Variants in CDC42SE2 observed in about 807,000 individuals in gnomAD.
The protein encoded by CDC42SE2 is CDC42 small effector 2, also known as CDC42 small effector protein 2.
CDC42SE2 carries 3 observed loss-of-function variants against 11.5 expected under a neutral mutation model. The observed-to-expected ratio is 0.26, with a 90% CI of 0.12 to 0.67. The LOEUF (loss-of-function observed/expected upper bound fraction) is 0.67. Ranked by LOEUF, CDC42SE2 falls within the 30% of genes least tolerant of loss-of-function variation. CDC42SE2 has a pLI of 0.80. For missense variants in CDC42SE2, 82 were observed against 106.8 expected (o/e 0.77, Z 1.02); for synonymous variants, 33 against 34.8 (o/e 0.95, Z 0.18).
chr5:131,285,741 A>G (rs1442567502), intron 1 of CDC42SE2, among the ~76,000 whole-genome samples: 1 of 152,360 alleles, frequency 6.6e-6, no homozygotes, highest in South Asian at 2.1e-4. Flanking sequence ...CACTAGATTA[A>G]TATATTCAAG....
chr5:131,296,629 G>T (rs1391630211), intron 1 of CDC42SE2, among the ~76,000 whole-genome samples: 1 of 152,104 alleles, frequency 6.6e-6, no homozygotes, highest in Non-Finnish European at 1.5e-5. Context: ...AATCATATTG[G>T]ATTAGGGGCC....
chr5:131,323,547 GTTTTTTTTTTT>G lies in CDC42SE2; in HGVS notation c.-286+7419_-286+7429del, dbSNP rs1171213231. Among the ~76,000 whole-genome samples, 12 of 82,582 alleles carry G rather than the reference GTTTTTTTTTTT, an allele frequency of 1.5e-4. 1 individual carries two copies. The highest frequency in any genetic ancestry group is 8.7e-4 in the East Asian group (2 of 2,296). The allele number at this position is 82,582 out of a possible 152,430, so 54.2% of individuals were successfully genotyped here. On this transcript the variant is annotated intron_variant, in intron 2 of 4. Transcript: ENST00000505065. Reference sequence around the variant, plus strand: ...AAGGGATTGTACCTCTCTCTCTCTGGTTTTTTTTTTTTTTTTTTTTTTTTTTGTATTTAAAT... The same window carrying G: ...AAGGGATTGTACCTCTCTCTCTCTGGTTTTTTTTTTTTTTTGTATTTAAAT...
chr5:131,268,641 G>A (rs998494083), intron 1 of CDC42SE2, among the ~76,000 whole-genome samples: 2 of 151,344 alleles, frequency 1.3e-5, no homozygotes, highest in African/African-American at 2.4e-5. Context: ...TAGTAGAGAC[G>A]GGGTTTCTCC....
At chr5:131,351,151 A>G (rs760743393) in intron 2 of CDC42SE2, among the ~76,000 whole-genome samples, 7 of 151,902 alleles carry the variant, frequency 4.6e-5, no homozygotes, top group East Asian at 1.9e-4. Context: ...TTTGCTGCCC[A>G]GTTGCCCAGG....
intron 2 of CDC42SE2, among the ~76,000 whole-genome samples, chr5:131,344,486 A>G (rs1580768119): frequency 6.6e-6 from 1 of 151,978 alleles, no homozygotes; most frequent in East Asian, 1.9e-4. Context: ...TTGAGTAGGT[A>G]AAAAGAGCGG....
rs531747342 is a variant in CDC42SE2, at chr5:131,394,401, A to C, written c.*3310A>C. 13 of 152,480 alleles carry C rather than the reference A, an allele frequency of 8.5e-5. No individual in the cohort carries two copies. The South Asian group carries it at 1.0e-3, about 12-fold the overall frequency. 9.4% of individuals were successfully genotyped at this position (152,480 alleles called of 1,614,324 possible). A position where few individuals can be genotyped will look rare whatever the true frequency, so the allele number is the denominator to read the frequency against. ...TTAGCATTTCCAGTGCAGCATTATCAGTGGGCCTTTAAAAATACTTCGTAA... is the reference window on the plus strand; with the variant it reads ...TTAGCATTTCCAGTGCAGCATTATCCGTGGGCCTTTAAAAATACTTCGTAA... On this transcript the variant is annotated 3_prime_UTR_variant, in exon 5 of 5. Transcript: ENST00000505065.
intron 2 of CDC42SE2, among the ~76,000 whole-genome samples, chr5:131,332,754 C>T (rs562959867): frequency 3.2e-4 from 48 of 152,292 alleles, no homozygotes; most frequent in African/African-American, 1.1e-3. Context: ...TTTTTGGCTG[C>T]ATAAATGTCT....
intron 2 of CDC42SE2, among the ~76,000 whole-genome samples, chr5:131,331,398 C>G (rs115557724): frequency 1.5e-3 from 227 of 152,198 alleles, no homozygotes; most frequent in Non-Finnish European, 2.6e-3. Context: ...ATAGATTAAA[C>G]TAACATTTCC....
At chr5:131,254,134 A>G (rs1317621019) in intron 1 of CDC42SE2, among the ~76,000 whole-genome samples, 1 of 152,204 alleles carries the variant, frequency 6.6e-6, no homozygotes, top group Admixed American at 6.5e-5. Context: ...TGCTGCACCC[A>G]TCAACTCGTC....
chr5:131,386,733 A>T (rs1750498686), intron 4 of CDC42SE2, among the ~76,000 whole-genome samples: 1 of 152,258 alleles, frequency 6.6e-6, no homozygotes, highest in Non-Finnish European at 1.5e-5. Context: ...GAGTTTCAAC[A>T]GACTGACTCT....
At chr5:131,283,574 A>T (rs574267267) in intron 1 of CDC42SE2, among the ~76,000 whole-genome samples, 1 of 149,360 alleles carries the variant, frequency 6.7e-6, no homozygotes, top group African/African-American at 2.5e-5. Flanking sequence ...GCCCACTGCA[A>T]CCTCTGCCTC....
At chr5:131,289,320 C>A (rs1357188468) in intron 1 of CDC42SE2, among the ~76,000 whole-genome samples, 2 of 152,208 alleles carry the variant, frequency 1.3e-5, no homozygotes, top group East Asian at 3.8e-4. Context: ...TACCTGCACT[C>A]AGTGACTTTC....
At chr5:131,286,103 G>A (rs933272270) in intron 1 of CDC42SE2, among the ~76,000 whole-genome samples, 2 of 146,290 alleles carry the variant, frequency 1.4e-5, no homozygotes, top group Non-Finnish European at 3.0e-5. Context: ...CACCCATGCT[G>A]GAGTGCAGTG....
At chr5:131,214,162 C>A in the CDC42SE2 span, among the ~76,000 whole-genome samples, 1 of 152,140 alleles carries the variant, frequency 6.6e-6, no homozygotes, top group African/African-American at 2.4e-5. Context: ...TTTTTAGTGT[C>A]TTAAAGAAAT....
At chr5:131,311,443 G>T (rs1757911487) in intron 1 of CDC42SE2, among the ~76,000 whole-genome samples, 1 of 151,476 alleles carries the variant, frequency 6.6e-6, no homozygotes, top group Non-Finnish European at 1.5e-5. Flanking sequence ...TTCTCAAGGA[G>T]TATCTTTGTG....
chr5:131,354,690 A>T (rs1035719522), intron 2 of CDC42SE2: 1 of 152,128 alleles, frequency 6.6e-6, no homozygotes, highest in Non-Finnish European at 1.5e-5. Flanking sequence ...GCAGCAAATT[A>T]CCTGTTTTTG....
intron 2 of CDC42SE2, among the ~76,000 whole-genome samples, chr5:131,336,296 T>G (rs541568926): frequency 2.6e-5 from 4 of 152,254 alleles, no homozygotes; most frequent in South Asian, 2.1e-4. Context: ...TTGAATATTG[T>G]CCCCCACTCT....
the CDC42SE2 span, among the ~76,000 whole-genome samples, chr5:131,236,023 AC>A: frequency 3.8e-4 from 58 of 152,110 alleles, no homozygotes; most frequent in African/African-American, 1.4e-3. Context: ...TATATTAAGA[AC>A]CATTGTTATT....
At chr5:131,378,368 T>G (rs1261385408) in intron 3 of CDC42SE2, among the ~76,000 whole-genome samples, 1 of 152,048 alleles carries the variant, frequency 6.6e-6, no homozygotes, top group Non-Finnish European at 1.5e-5. Flanking sequence ...ACTAGATTGA[T>G]TAACTTGGAA....
Sources: gnomAD v4.1 joint callset for allele counts (sites outside exome capture counted in the v4.1 genomes callset) on GRCh38, gnomAD v4.1.1 for gene constraint, MANE v1.5 for transcripts, NCBI Gene and HGNC (gene_info 2026-07-23, HGNC 2026-07-21) for gene names.